The following OTOGL variants were observed in gnomAD, a reference collection of about 807,000 sequenced individuals.
OTOGL encodes the protein otogelin-like protein.
Under a neutral mutation model 318.5 loss-of-function variants are expected in OTOGL, and 285 were observed. That is an observed-to-expected ratio of 0.89 (90% CI 0.81 to 0.99). OTOGL has a LOEUF of 0.99. Among genes scored for constraint, OTOGL ranks in the 50% least tolerant of loss-of-function variants. OTOGL has a pLI of 0.00. For synonymous variants in OTOGL, 987 were observed against 936.5 expected (o/e 1.05, Z -0.99); for missense variants, 2,899 against 2,845.6 (o/e 1.02, Z -0.43).
At chr12:80,356,543 T>A (rs1889912614) in intron 48 of OTOGL, 23 bp downstream of exon 48, 1 of 1,517,546 alleles carries the variant, frequency 6.6e-7, no homozygotes, top group African/African-American at 1.4e-5. Context: ...TATAGAAAAT[T>A]AAGAGTGAGG....
At position 80,265,114 on chromosome 12, in the gene OTOGL, G is replaced by C; in HGVS notation, c.2128G>C (p.Gly710Arg). 6.2e-7 allele frequency: 1 copy of C among 1,613,866 alleles called. No homozygotes were observed. Among genetic ancestry groups the C allele is most frequent in the Non-Finnish European group, 8.5e-7 (1 of 1,179,854 alleles). ...QLCRHDACKC[G>R]SSCLCNALAH... is the part of the protein sequence containing the mutation. ...ATGCCGCCACGATGCATGCAAGTGT[G>C]GAAGCTCCTGCCTGTGCAATGCTCT... Residue 710 changes from glycine to arginine, a missense_variant, in exon 20 of 59, where the codon GGA (glycine) becomes CGA (arginine). Physicochemically the swap from Gly to Arg is moderately radical, Grantham distance 125 (BLOSUM62 -2). This residue lies in a region of OTOGL where 2,607 missense variants were observed against 2,524.9 expected (regional missense o/e 1.03). Transcript: ENST00000547103.
intron 1 of OTOGL, among the ~76,000 whole-genome samples, chr12:80,128,070 C>A (rs1002073309): frequency 6.6e-6 from 1 of 152,182 alleles, no homozygotes; most frequent in African/African-American, 2.4e-5. Flanking sequence ...CAGCTTTGTT[C>A]CGTTGCTGGT....
chr12:80,301,193 G>T (rs576397873), intron 27 of OTOGL, among the ~76,000 whole-genome samples: 16 of 152,182 alleles, frequency 1.1e-4, no homozygotes, highest in African/African-American at 3.4e-4. Flanking sequence ...GGCTAAATTT[G>T]TCTTACTTAC....
At chr12:80,151,030 G>T (rs980082488) in intron 1 of OTOGL, among the ~76,000 whole-genome samples, 1 of 152,116 alleles carries the variant, frequency 6.6e-6, no homozygotes, top group Non-Finnish European at 1.5e-5. Flanking sequence ...GTGAGAAAGG[G>T]TAGGTAAAAA....
chr12:80,331,349 T>A (rs958394915), intron 37 of OTOGL, among the ~76,000 whole-genome samples: 1 of 141,932 alleles, frequency 7.0e-6, no homozygotes, highest in Non-Finnish European at 1.5e-5. Flanking sequence ...TTTTTTTTTT[T>A]TTTTTTTTTG....
intron 1 of OTOGL, among the ~76,000 whole-genome samples, chr12:80,125,251 T>C (rs985950121): frequency 6.6e-6 from 1 of 152,088 alleles, no homozygotes; most frequent in Non-Finnish European, 1.5e-5. Context: ...GCATGAAGGG[T>C]TGTTGAATTT....
At chr12:80,143,457 T>A (rs10862067) in intron 1 of OTOGL, among the ~76,000 whole-genome samples, 81,663 of 151,898 alleles carry the variant, frequency 0.54, 22,131 homozygotes, top group Middle Eastern at 0.58. Context: ...AGACACACCT[T>A]CTTTCCCATT....
At chr12:80,227,100 G>T (rs984541393) in intron 7 of OTOGL, among the ~76,000 whole-genome samples, 1 of 152,014 alleles carries the variant, frequency 6.6e-6, no homozygotes, top group African/African-American at 2.4e-5. Flanking sequence ...TGGAGCTCTG[G>T]GGTGGAGTGA....
intron 1 of OTOGL, among the ~76,000 whole-genome samples, chr12:80,187,885 T>C (rs902172222): frequency 6.6e-6 from 1 of 152,170 alleles, no homozygotes; most frequent in Non-Finnish European, 1.5e-5. Context: ...AGAGTTGTTT[T>C]CTACTATCTT....
At chr12:80,123,828 A>G (rs1363976891) in intron 1 of OTOGL, among the ~76,000 whole-genome samples, 2 of 152,182 alleles carry the variant, frequency 1.3e-5, no homozygotes, top group African/African-American at 4.8e-5. Context: ...TGGCTACATA[A>G]ATGTCTTCTT....
Position 80,302,698 on chromosome 12 carries a change from T to C in OTOGL, c.3128T>C (p.Ile1043Thr), listed in dbSNP as rs758190695. 1.6e-5 allele frequency: 24 copies of C among 1,518,484 alleles called. No individual in the cohort carries two copies. In the African/African-American group the frequency reaches 1.9e-4, roughly 12 times the overall value. The allele number at this position is 1,518,484 out of a possible 1,614,324, so 94.1% of individuals were successfully genotyped here. ...TYQLWKAGYY[I>T]VVYFPEKDIT... ...CAGCTTTGGAAGGCTGGTTACTATATAGTAGTATACTTTCCAGAGAAAGAT... is the reference window on the plus strand; with the variant it reads ...CAGCTTTGGAAGGCTGGTTACTATACAGTAGTATACTTTCCAGAGAAAGAT... The change falls in exon 28 of 59, where the codon ATA becomes ACA. Residue 1043 changes from isoleucine to threonine, a missense_variant. Coordinates refer to ENST00000547103, the MANE Select transcript of OTOGL (RefSeq NM_001378609.3).
intron 44 of OTOGL, among the ~76,000 whole-genome samples, chr12:80,350,613 A>G (rs1889483431): frequency 6.6e-6 from 1 of 152,164 alleles, no homozygotes; most frequent in Non-Finnish European, 1.5e-5. Flanking sequence ...AGTGGGAGGA[A>G]ATATCACATT....
chr12:80,375,634 C>A (rs908566152), intron 57 of OTOGL, among the ~76,000 whole-genome samples: 1 of 152,048 alleles, frequency 6.6e-6, no homozygotes, highest in Non-Finnish European at 1.5e-5. Context: ...AAGCCACCCA[C>A]ATGGTGAAGA....
At chr12:80,308,038 C>G (rs867004520) in intron 29 of OTOGL, among the ~76,000 whole-genome samples, 29 of 115,160 alleles carry the variant, frequency 2.5e-4, no homozygotes, top group South Asian at 1.1e-3. Context: ...CGGCTGGCCG[C>G]GCGGGGGGCT....
At chr12:80,335,061 C>T (rs537959396) in intron 38 of OTOGL, among the ~76,000 whole-genome samples, 2 of 151,978 alleles carry the variant, frequency 1.3e-5, no homozygotes, top group South Asian at 4.2e-4. Flanking sequence ...AGAAACTGAT[C>T]CAAAAGATTT....
Position 80,335,911 on chromosome 12 carries a change from T to G in OTOGL, c.4423-52T>G, listed in dbSNP as rs183030771. 51 of 1,422,338 alleles carry G rather than the reference T, an allele frequency of 3.6e-5. 2 individuals carry two copies. The East Asian group carries it at 1.2e-3, about 34-fold the overall frequency. 88.1% of individuals were successfully genotyped at this position (1,422,338 alleles called of 1,614,324 possible). The stretch of plus-strand genomic sequence containing the variant: ...ATGAATGTGGAATTTAAAAATCAAT[T>G]AAAAACATTAGCTGAGAATGAAAAA... On this transcript the variant is annotated intron_variant, in intron 38 of 58. Transcript: ENST00000547103.
intron 1 of OTOGL, among the ~76,000 whole-genome samples, chr12:80,145,423 G>C (rs1321658079): frequency 6.6e-6 from 1 of 151,894 alleles, no homozygotes; most frequent in Non-Finnish European, 1.5e-5. Context: ...CTATATCTCT[G>C]TTTTGGTACC....
At chr12:80,291,990 CT>C (rs1885075404) in intron 26 of OTOGL, among the ~76,000 whole-genome samples, 2 of 150,568 alleles carry the variant, frequency 1.3e-5, no homozygotes, top group South Asian at 2.1e-4. Context: ...TTTTCTTTTT[CT>C]TTTTTTGTTT....
intron 1 of OTOGL, among the ~76,000 whole-genome samples, chr12:80,112,539 A>G (rs935949670): frequency 1.3e-5 from 2 of 152,008 alleles, no homozygotes; most frequent in African/African-American, 4.8e-5. Context: ...TATGTGATGG[A>G]TTACGTTTAT....
Sources: gnomAD v4.1 joint callset for allele counts (sites outside exome capture counted in the v4.1 genomes callset) on GRCh38, gnomAD v4.1.1 for gene constraint, gnomAD v4.1.1 regional missense constraint, MANE v1.5 for transcripts, NCBI Gene and HGNC (gene_info 2026-07-23, HGNC 2026-07-21) for gene names.